PPL: variants seen among roughly 807,000 people sequenced by gnomAD.
PPL encodes the protein periplakin.
In PPL, 198 loss-of-function variants were observed where a neutral mutation model predicts 194.4. The observed-to-expected ratio is 1.02, with a 90% CI of 0.91 to 1.15. The LOEUF (loss-of-function observed/expected upper bound fraction) is 1.15, where lower values mean the gene tolerates loss of function less well. Among genes scored for constraint, PPL ranks in the 50% most tolerant of loss-of-function variants. The pLI is 0.00. For synonymous variants in PPL, 1,220 were observed against 972.4 expected (o/e 1.25, Z -4.74); for missense variants, 2,885 against 2,294.8 (o/e 1.26, Z -5.25).
chr16:4,925,590 T>C (rs750237038), intron 1 of PPL, among the ~76,000 whole-genome samples: 2 of 152,204 alleles, frequency 1.3e-5, no homozygotes, highest in African/African-American at 4.8e-5. Context: ...TTCCACACCT[T>C]GCGTAGGGCT....
intron 1 of PPL, among the ~76,000 whole-genome samples, chr16:4,936,701 T>C (rs897900553): frequency 6.6e-6 from 1 of 152,140 alleles, no homozygotes. Context: ...CCAGCTCAGC[T>C]GCCCGTGCCC....
intron 1 of PPL, among the ~76,000 whole-genome samples, chr16:4,923,159 G>A (rs1002373988): frequency 2.0e-5 from 3 of 152,136 alleles, no homozygotes; most frequent in African/African-American, 7.2e-5. Flanking sequence ...CTGTCTACCC[G>A]GTTATGCCAA....
Position 4,883,516 on chromosome 16 carries a change from C to A in PPL, c.5139G>T (p.Arg1713Ser), listed in dbSNP as rs747876319. 3 of 1,614,092 alleles carry A rather than the reference C, an allele frequency of 1.9e-6. No homozygotes were observed. The African/African-American group carries it at 4.0e-5, about 22-fold the overall frequency. ...CGATGGAGAACTTCTTGCCAGACTT[C>A]CTGTCGTGTATCACTGAGGACTCCC... ...PNGESSVIHDRKSGKKFSIEE... is the reference protein window; with the variant it reads ...PNGESSVIHDSKSGKKFSIEE... The change falls in exon 22 of 22, where the codon AGG (arginine) becomes AGT (serine). Residue 1713 changes from arginine (R) to serine (S), a missense_variant. Coordinates refer to ENST00000345988, the MANE Select transcript of PPL (RefSeq NM_002705.5). The surrounding 1 kb of genome is among the most constrained non-coding windows in gnomAD (Gnocchi z 4.8).
intron 1 of PPL, among the ~76,000 whole-genome samples, chr16:4,914,138 T>C (rs57358170): frequency 0.15 from 23,562 of 152,114 alleles, 2,263 homozygotes; most frequent in East Asian, 0.27. Context: ...GGACACGCCA[T>C]AGAGAGAGGC....
intron 8 of PPL, among the ~76,000 whole-genome samples, 172 bp downstream of exon 8, chr16:4,898,841 C>T (rs766028396): frequency 2.6e-5 from 4 of 152,234 alleles, no homozygotes; most frequent in Non-Finnish European, 4.4e-5. Flanking sequence ...GTCAACGGAT[C>T]AGGATAAATG....
At chr16:4,931,012 G>A (rs1409459302) in intron 1 of PPL, among the ~76,000 whole-genome samples, 1 of 152,226 alleles carries the variant, frequency 6.6e-6, no homozygotes, top group African/African-American at 2.4e-5. Flanking sequence ...ACAGTGAAGA[G>A]GGACTGGAGG....
At chr16:4,931,781 G>A (rs1433156412) in intron 1 of PPL, among the ~76,000 whole-genome samples, 16 of 152,180 alleles carry the variant, frequency 1.1e-4, no homozygotes, top group African/African-American at 3.1e-4. Flanking sequence ...GGGTGTGGAC[G>A]GAGCTGAGTC....
chr16:4,917,258 A>C (rs749898143), intron 1 of PPL, among the ~76,000 whole-genome samples: 1 of 152,238 alleles, frequency 6.6e-6, no homozygotes, highest in Non-Finnish European at 1.5e-5. Flanking sequence ...TTTTTAGTGG[A>C]AACAACTCAA....
intron 1 of PPL, among the ~76,000 whole-genome samples, chr16:4,929,341 C>T (rs1295859750): frequency 6.6e-6 from 1 of 152,078 alleles, no homozygotes. Flanking sequence ...CTCTCCCAGA[C>T]CTTTTATTTT....
At chr16:4,924,949 T>G (rs1568057471) in intron 1 of PPL, among the ~76,000 whole-genome samples, 1 of 152,224 alleles carries the variant, frequency 6.6e-6, no homozygotes, top group Non-Finnish European at 1.5e-5. Flanking sequence ...CCCTGCTGGC[T>G]CACAGCCCAG....
At chr16:4,901,941 AAAATAAATAAATAAAT>A (rs61188714) in intron 4 of PPL, among the ~76,000 whole-genome samples, 2 of 81,836 alleles carry the variant, frequency 2.4e-5, no homozygotes, top group African/African-American at 6.1e-5. Context: ...CCTTGTCTCA[AAAATAAATAAATAAAT>A]AAATAAATAA....
chr16:4,916,050 A>G (rs1255257438), intron 1 of PPL, among the ~76,000 whole-genome samples: 1 of 152,214 alleles, frequency 6.6e-6, no homozygotes, highest in African/African-American at 2.4e-5. Flanking sequence ...AAAGACAATA[A>G]CAAGTGTTGG....
At position 4,894,695 on chromosome 16, in the gene PPL, C is replaced by T. The variant is rs1361104748; in HGVS notation, c.1243-77G>A. On this transcript the variant is annotated intron_variant, in intron 11 of 21. Coordinates refer to ENST00000345988, the MANE Select transcript of PPL (RefSeq NM_002705.5). ...GGAGCCCGGTTGCCATCTCAGCCCCCGACTCTTGGACCTGGGGAGCCCCGG... is the reference window on the plus strand; with the variant it reads ...GGAGCCCGGTTGCCATCTCAGCCCCTGACTCTTGGACCTGGGGAGCCCCGG... The T allele has an allele frequency of 7.2e-6, 11 of 1,536,422 alleles. No individual in the cohort carries two copies. The Admixed American group carries it at 1.1e-4, about 15-fold the overall frequency.
In PPL at chr16:4,885,463, G is replaced by A; in HGVS notation, c.3192C>T (p.Pro1064=). The part of the protein sequence containing the change: ...EKEVVKLQND[P]QLEAEYQQLQ... ...GCTGCTGGTACTCTGCCTCCAGCTG[G>A]GGGTCATTCTGCAGTTTCACCACCT... The change falls in exon 22 of 22, where the codon CCC becomes CCT. Residue 1064 remains proline, a synonymous_variant. Coordinates refer to ENST00000345988, the MANE Select transcript of PPL (RefSeq NM_002705.5). This position sits in a 1 kb window ranked among gnomAD's most constrained non-coding sequence, Gnocchi z 6.3. 3.7e-6 allele frequency: 6 copies of A among 1,612,156 alleles called. No homozygotes were observed. The highest frequency in any genetic ancestry group is 5.1e-6 in the Non-Finnish European group (6 of 1,179,902).
At position 4,897,821 on chromosome 16, in the gene PPL, C is replaced by T. The variant is rs770730899; in HGVS notation, c.877-51G>A. The T allele has an allele frequency of 5.5e-6, 8 of 1,447,790 alleles. No individual in the cohort carries two copies. The South Asian group carries it at 9.2e-5, about 17-fold the overall frequency. 89.7% of individuals were successfully genotyped at this position (1,447,790 alleles called of 1,614,324 possible). ...ACCACTGGGCAGGTACTGCAGACAC[C>T]AAGGGAGGGACTGCTGGGATATTGG... is the stretch of plus-strand genomic sequence containing the variant. On this transcript the variant is annotated intron_variant, in intron 8 of 21. Coordinates refer to ENST00000345988, the MANE Select transcript of PPL (RefSeq NM_002705.5).
intron 21 of PPL, 51 bp from the exon 22 acceptor site, chr16:4,886,098 G>A: frequency 1.2e-6 from 2 of 1,610,012 alleles, no homozygotes; most frequent in Non-Finnish European, 1.7e-6. Context: ...GGCAGCACAT[G>A]TAGGGCCTGT....
intron 1 of PPL, among the ~76,000 whole-genome samples, chr16:4,932,267 G>A (rs896259008): frequency 3.2e-5 from 1 of 30,974 alleles, no homozygotes; most frequent in South Asian, 1.3e-3. Context: ...GAGAAATGGC[G>A]GGGCGGCTCT....
In PPL at chr16:4,894,554, A is replaced by G. The variant is rs953990584; in HGVS notation, c.1307T>C (p.Met436Thr). The G allele has an allele frequency of 3.7e-6, 6 of 1,613,742 alleles. No homozygotes were observed. In the African/African-American group the frequency reaches 6.7e-5, roughly 18 times the overall value. The change falls in exon 12 of 22, where the codon ATG becomes ACG. Residue 436 changes from methionine (M) to threonine (T), a missense_variant. By Grantham distance (81) the Met-to-Thr change is moderately conservative (BLOSUM62 -1). Coordinates refer to ENST00000345988, the MANE Select transcript of PPL (RefSeq NM_002705.5). ...QKNNGESWEL[M>T]DSAGNKLIAP... Reference sequence around the variant, plus strand: ...AATCAGCTTGTTCCCAGCGCTGTCCATGAGCTCCCAGCTCTCCCCGTTGTT... The same window carrying G: ...AATCAGCTTGTTCCCAGCGCTGTCCGTGAGCTCCCAGCTCTCCCCGTTGTT...
rs780444951 is a variant in PPL, at chr16:4,899,247, G to A, written c.744C>T (p.Tyr248=). The change falls in exon 7 of 22, where the codon TAC becomes TAT. Residue 248 remains tyrosine (Y), a synonymous_variant. Transcript: ENST00000345988. ...QYDWSDRNLD[Y]PSRRRQYENF... ...CCTCATACTGGCGCCGGCGGCTGGG[G>A]TAGTCGAGGTTGCGGTCACTCCAGT... 140 of 1,613,806 alleles carry A rather than the reference G, an allele frequency of 8.7e-5. No individual in the cohort carries two copies. Among genetic ancestry groups the A allele is most frequent in the Non-Finnish European group, 3.3e-5 (39 of 1,179,984 alleles).
Sources: gnomAD v4.1 joint callset for allele counts (sites outside exome capture counted in the v4.1 genomes callset) on GRCh38, gnomAD v4.1.1 for gene constraint, Gnocchi (gnomAD v3.1) non-coding constraint, MANE v1.5 for transcripts, NCBI Gene and HGNC (gene_info 2026-07-23, HGNC 2026-07-21) for gene names.